The following CD8A variants were observed in gnomAD, a reference collection of about 807,000 sequenced individuals.
The protein encoded by CD8A is T-cell surface glycoprotein CD8 alpha chain.
In CD8A, 25 loss-of-function variants were observed where a neutral mutation model predicts 24.2. That is an observed-to-expected ratio of 1.03 (90% CI 0.75 to 1.44). The LOEUF (loss-of-function observed/expected upper bound fraction) is 1.44, where lower values mean the gene tolerates loss of function less well. Among genes scored for constraint, CD8A ranks in the 40% most tolerant of loss-of-function variants. CD8A has a pLI of 0.00. For missense variants in CD8A, 360 were observed against 319.7 expected (o/e 1.13, Z -0.96); for synonymous variants, 165 against 149.9 (o/e 1.10, Z -0.74).
chr2:86,794,232 G>A (rs947806669), upstream of CD8A, among the ~76,000 whole-genome samples: 1 of 152,178 alleles, frequency 6.6e-6, no homozygotes, highest in Non-Finnish European at 1.5e-5. Flanking sequence ...AGTAGATAGA[G>A]TAAGATAGTA....
At chr2:86,794,973 C>T (rs1169548572), upstream of CD8A, among the ~76,000 whole-genome samples, 3 of 152,174 alleles carry the variant, frequency 2.0e-5, no homozygotes, top group Non-Finnish European at 4.4e-5. Flanking sequence ...CCCTTAAGAC[C>T]CAGCTCAAGC....
At chr2:86,789,087 T>A (rs1251632870) in intron 4 of CD8A, among the ~76,000 whole-genome samples, 1 of 152,190 alleles carries the variant, frequency 6.6e-6, no homozygotes, top group East Asian at 1.9e-4. Context: ...ACACACCCGC[T>A]GCAGCGGCTC....
upstream of CD8A, among the ~76,000 whole-genome samples, chr2:86,794,589 C>T (rs565543518): frequency 1.3e-3 from 191 of 152,284 alleles, no homozygotes; most frequent in Non-Finnish European, 1.9e-3. Flanking sequence ...TCCTCCACCC[C>T]GAGTTCCCCA....
At position 86,785,042 on chromosome 2, in the gene CD8A, AT is replaced by A; in HGVS notation, c.*877del. The A allele has an allele frequency of 2.2e-6, 1 of 454,096 alleles. No homozygotes were observed. Among genetic ancestry groups the A allele is most frequent in the Non-Finnish European group, 4.4e-6 (1 of 226,796 alleles). The allele number at this position is 454,096 out of a possible 1,614,324, so 28.1% of individuals were successfully genotyped here. A position where few individuals can be genotyped will look rare whatever the true frequency, so the allele number is the denominator to read the frequency against. On this transcript the variant is annotated 3_prime_UTR_variant, in exon 6 of 6. Transcript: ENST00000283635. ...TCCCAGGAACATGTTTGTATCTCAA[AT>A]TCAGAGATTCAAGAGGGCCTTAGTT... is the stretch of plus-strand genomic sequence containing the variant.
In CD8A at chr2:86,790,397, A is replaced by G. The variant is rs1377480811; in HGVS notation, c.334T>C (p.Tyr112His). The change falls in exon 2 of 6, where the codon TAC (tyrosine) becomes CAC (histidine). Residue 112 changes from tyrosine to histidine, a missense_variant. Tyr to His is a moderately conservative substitution (Grantham distance 83). Transcript: ENST00000283635. ...LSDFRRENEG[Y>H]YFCSALSNSI... ...TTGCTCAGGGCCGAGCAGAAATAGT[A>G]GCCCTCGTTCTCTCGGCGGAAGTCG... The G allele has an allele frequency of 1.9e-6, 3 of 1,613,944 alleles. No individual in the cohort carries two copies. The Admixed American group carries it at 5.0e-5, about 27-fold the overall frequency.
intron 5 of CD8A, among the ~76,000 whole-genome samples, chr2:86,787,709 G>A (rs1228187776): frequency 6.6e-6 from 1 of 152,144 alleles, no homozygotes; most frequent in African/African-American, 2.4e-5. Context: ...TGAGTTTAAT[G>A]TGCCTTTGCC....
chr2:86,799,953 T>A (rs1284571190), intron 3 of CD8A, among the ~76,000 whole-genome samples: 1 of 149,310 alleles, frequency 6.7e-6, no homozygotes, highest in Non-Finnish European at 1.5e-5. Flanking sequence ...TTTTTTTTTT[T>A]AACAGAAATT....
At chr2:86,790,923 G>T, upstream of CD8A, 1 of 1,174,896 alleles carries the variant, frequency 8.5e-7, no homozygotes, top group Non-Finnish European at 1.2e-6. Context: ...TGCGCCCTTC[G>T]GCCGGCCCGG....
chr2:86,792,838 G>GT (rs1194383789), upstream of CD8A, among the ~76,000 whole-genome samples: 2 of 148,386 alleles, frequency 1.3e-5, no homozygotes, highest in African/African-American at 5.0e-5. Context: ...TTTGATTTCA[G>GT]TACCTCCTTC....
At position 86,802,999 on chromosome 2, in the gene CD8A, G is replaced by T. The variant is rs1344908964; in HGVS notation, c.-417-1342C>A. 2.6e-5 allele frequency among the ~76,000 whole-genome samples: 4 copies of T among 152,036 alleles called. No homozygotes were observed. The South Asian group carries it at 8.3e-4, about 32-fold the overall frequency. On this transcript the variant is annotated intron_variant, in intron 2 of 8. Transcript: ENST00000409511. ...TCTTGTATTTTAAAAATGAGTGACG[G>T]TTGAAACAAAATTGATATATTATTT...
At chr2:86,790,992 A>T, upstream of CD8A, 1 of 770,444 alleles carries the variant, frequency 1.3e-6, no homozygotes, top group Non-Finnish European at 2.2e-6. Context: ...GAGGAGAGTC[A>T]CCCTCCTTTT....
intron 5 of CD8A, among the ~76,000 whole-genome samples, chr2:86,786,461 G>A (rs1330698382): frequency 6.6e-6 from 1 of 152,198 alleles, no homozygotes; most frequent in Admixed American, 6.5e-5. Flanking sequence ...CTAGCACCTT[G>A]TAAACATGCT....
At chr2:86,801,870 A>G (rs1673685392) in intron 2 of CD8A, among the ~76,000 whole-genome samples, 1 of 152,124 alleles carries the variant, frequency 6.6e-6, no homozygotes, top group Admixed American at 6.5e-5. Context: ...TTGGACCACA[A>G]AATTCATTTG....
intron 3 of CD8A, among the ~76,000 whole-genome samples, chr2:86,796,874 C>T (rs1355619254): frequency 1.1e-4 from 17 of 152,178 alleles, no homozygotes. Flanking sequence ...TGTCCAACTC[C>T]TTTTCCTTAC....
chr2:86,789,282 G>A, intron 4 of CD8A, 41 bp downstream of exon 4: 2 of 1,309,290 alleles, frequency 1.5e-6, no homozygotes, highest in Non-Finnish European at 2.2e-6. Flanking sequence ...AAGGGCAGGA[G>A]CGGGGCCGAC....
At chr2:86,786,767 TC>T (rs1323132156) in intron 5 of CD8A, among the ~76,000 whole-genome samples, 1 of 152,026 alleles carries the variant, frequency 6.6e-6, no homozygotes, top group African/African-American at 2.4e-5. Flanking sequence ...ACGCCTATAA[TC>T]CCAGCACTTT....
upstream of CD8A, among the ~76,000 whole-genome samples, chr2:86,794,333 G>A (rs967505697): frequency 1.3e-5 from 2 of 152,180 alleles, no homozygotes; most frequent in Admixed American, 1.3e-4. Context: ...ACCGGGCAGA[G>A]CAGTGGTAGG....
At position 86,785,432 on chromosome 2, in the gene CD8A, A is replaced by T. The variant is rs1672956593; in HGVS notation, c.*488T>A. 4.4e-6 allele frequency: 2 copies of T among 455,132 alleles called. No individual in the cohort carries two copies. The highest frequency in any genetic ancestry group is 8.8e-6 in the Non-Finnish European group (2 of 227,564). 28.2% of individuals were successfully genotyped at this position (455,132 alleles called of 1,614,324 possible). A position where few individuals can be genotyped will look rare whatever the true frequency, so the allele number is the denominator to read the frequency against. ...TTGGAGACTCAAGCACCTCACCCTG[A>T]GACAGGGGCCTCGGAAAGAAAGACC... On this transcript the variant is annotated 3_prime_UTR_variant, in exon 6 of 6. Transcript: ENST00000283635.
intron 4 of CD8A, 98 bp from the exon 5 acceptor site, chr2:86,788,658 G>T: frequency 8.6e-7 from 1 of 1,159,312 alleles, no homozygotes; most frequent in South Asian, 1.3e-5. Context: ...TGTTGCTGCT[G>T]TTTTTTGGTT....
Sources: allele counts gnomAD v4.1 joint callset (sites outside exome capture counted in the v4.1 genomes callset), GRCh38; gene constraint gnomAD v4.1.1; transcripts MANE v1.5; gene names NCBI Gene and HGNC (gene_info 2026-07-23, HGNC 2026-07-21).